Variants in RAPGEF5 observed in about 807,000 individuals in gnomAD.
RAPGEF5 encodes the protein M-Ras-regulated GEF.
In RAPGEF5, 65 loss-of-function variants were observed where a neutral mutation model predicts 125.2. That is an observed-to-expected ratio of 0.52 (90% confidence interval 0.43 to 0.64). The LOEUF is 0.64. Ranked by LOEUF, RAPGEF5 falls within the 30% of genes least tolerant of loss-of-function variation. RAPGEF5 has a pLI of 0.00. For synonymous variants in RAPGEF5, 391 were observed against 385.9 expected (o/e 1.01, Z -0.16); for missense variants, 958 against 1,048.1 (o/e 0.91, Z 1.19).
At position 22,136,945 on chromosome 7, in the gene RAPGEF5, A is replaced by C. The variant is rs1204328716; in HGVS notation, c.2316T>G (p.Leu772=). 6.3e-7 allele frequency: 1 copy of C among 1,585,836 alleles called. No individual in the cohort carries two copies. The highest frequency in any genetic ancestry group is 1.7e-4 in the Middle Eastern group (1 of 6,028). ...CTCAACTACTTACTGTTAAACTTTC[A>C]AGTTCAGAGAAAAGTTTCTTAAACT... ...PGKFKKLFSE[L]ESLTDPSLNH... is the part of the protein sequence containing the mutation. The change falls in exon 22 of 26, where the codon CTT becomes CTG. Residue 772 remains leucine, a synonymous_variant. Coordinates refer to ENST00000665637, the MANE Select transcript of RAPGEF5 (RefSeq NM_012294.5).
At chr7:22,356,751 C>T in intron 1 of RAPGEF5, 79 bp downstream of exon 1, 1 of 776,402 alleles carries the variant, frequency 1.3e-6, no homozygotes. Context: ...CCAGACGCCC[C>T]CCTCAGCGGC....
At chr7:22,254,437 C>T (rs577057527) in intron 7 of RAPGEF5, among the ~76,000 whole-genome samples, 23 of 151,320 alleles carry the variant, frequency 1.5e-4, no homozygotes, top group African/African-American at 5.3e-4. Context: ...GGAGAAACCC[C>T]GTCTCTACTG....
chr7:22,318,531 C>G (rs761518694), intron 1 of RAPGEF5, among the ~76,000 whole-genome samples: 6 of 152,160 alleles, frequency 3.9e-5, no homozygotes, highest in African/African-American at 7.2e-5. Flanking sequence ...TATTGCTTAT[C>G]CGAGTTAATC....
At chr7:22,342,519 T>G (rs756664498) in intron 1 of RAPGEF5, among the ~76,000 whole-genome samples, 4 of 152,270 alleles carry the variant, frequency 2.6e-5, no homozygotes, top group Non-Finnish European at 5.9e-5. Context: ...AAATGGGATA[T>G]TCTTTTCTAT....
chr7:22,287,574 C>G (rs1019033975), intron 6 of RAPGEF5, among the ~76,000 whole-genome samples: 1 of 152,254 alleles, frequency 6.6e-6, no homozygotes, highest in South Asian at 2.1e-4. Context: ...TCCAATACCC[C>G]CAAAAACACA....
intron 7 of RAPGEF5, among the ~76,000 whole-genome samples, chr7:22,238,410 G>A (rs577219313): frequency 6.6e-6 from 1 of 152,106 alleles, no homozygotes; most frequent in Non-Finnish European, 1.5e-5. Flanking sequence ...ACACACTAAG[G>A]AGAGAGGTAA....
intron 6 of RAPGEF5, among the ~76,000 whole-genome samples, chr7:22,279,678 G>C (rs1385867499): frequency 6.6e-6 from 1 of 152,196 alleles, no homozygotes; most frequent in Admixed American, 6.5e-5. Flanking sequence ...AATTATGAGG[G>C]AGACTTGAAG....
At chr7:22,194,571 C>G (rs996138533) in intron 9 of RAPGEF5, 1 of 983,448 alleles carries the variant, frequency 1.0e-6, no homozygotes, top group Non-Finnish European at 1.2e-6. Context: ...ACTACCCACT[C>G]CATCATTCAA....
chr7:22,212,770 C>T (rs1046471472), intron 9 of RAPGEF5, among the ~76,000 whole-genome samples: 2 of 152,152 alleles, frequency 1.3e-5, no homozygotes, highest in South Asian at 2.1e-4. Flanking sequence ...TACATTAATG[C>T]AGATCAGGCC....
chr7:22,178,756 A>C (rs1372438487), intron 11 of RAPGEF5, among the ~76,000 whole-genome samples: 1 of 152,080 alleles, frequency 6.6e-6, no homozygotes, highest in East Asian at 1.9e-4. Context: ...TTTTTATAGA[A>C]GCTTCATTAG....
intron 9 of RAPGEF5, among the ~76,000 whole-genome samples, chr7:22,207,535 TA>T (rs1457967245): frequency 6.6e-6 from 1 of 152,194 alleles, no homozygotes; most frequent in Non-Finnish European, 1.5e-5. Flanking sequence ...CTATTATTTC[TA>T]AATTCTCTAT....
chr7:22,148,113 C>A (rs1783503399), intron 18 of RAPGEF5, among the ~76,000 whole-genome samples: 1 of 152,100 alleles, frequency 6.6e-6, no homozygotes, highest in Non-Finnish European at 1.5e-5. Context: ...ACCAAACGAA[C>A]CAGCTAACAA....
intron 16 of RAPGEF5, among the ~76,000 whole-genome samples, 191 bp from the exon 17 acceptor site, chr7:22,154,795 TG>T (rs1783753280): frequency 6.6e-6 from 1 of 152,226 alleles, no homozygotes; most frequent in Non-Finnish European, 1.5e-5. Context: ...TATAAATGTG[TG>T]CTTGCAAACA....
chr7:22,266,647 C>G (rs899514191), intron 7 of RAPGEF5, among the ~76,000 whole-genome samples: 1 of 152,082 alleles, frequency 6.6e-6, no homozygotes, highest in African/African-American at 2.4e-5. Flanking sequence ...ACAAGGTGAT[C>G]GGCTTACTTT....
chr7:22,178,511 G>A (rs762740833), intron 11 of RAPGEF5, among the ~76,000 whole-genome samples: 5 of 152,126 alleles, frequency 3.3e-5, no homozygotes, highest in Non-Finnish European at 7.3e-5. Context: ...CACCCTCTGC[G>A]GTCTGACAAG....
intron 11 of RAPGEF5, among the ~76,000 whole-genome samples, chr7:22,173,133 G>T (rs757919841): frequency 2.6e-5 from 4 of 152,128 alleles, no homozygotes; most frequent in Admixed American, 6.5e-5. Flanking sequence ...GAACATGAAA[G>T]GGCCCATTTC....
chr7:22,148,063 T>A (rs972659701), intron 18 of RAPGEF5, among the ~76,000 whole-genome samples: 3 of 152,170 alleles, frequency 2.0e-5, no homozygotes, highest in African/African-American at 7.2e-5. Flanking sequence ...TGTCTCTGTA[T>A]CCCCAGTGTA....
At chr7:22,344,078 C>T (rs996762151) in intron 1 of RAPGEF5, among the ~76,000 whole-genome samples, 5 of 152,158 alleles carry the variant, frequency 3.3e-5, no homozygotes, top group Non-Finnish European at 5.9e-5. Flanking sequence ...TCCAGGGACC[C>T]CTCAGGACCC....
chr7:22,179,245 A>G (rs1010201792), intron 11 of RAPGEF5, among the ~76,000 whole-genome samples: 3 of 152,136 alleles, frequency 2.0e-5, no homozygotes, highest in Admixed American at 2.0e-4. Flanking sequence ...GCAATAATAT[A>G]TGGAATATTT....
Sources: gnomAD v4.1 joint callset for allele counts (sites outside exome capture counted in the v4.1 genomes callset) on GRCh38, gnomAD v4.1.1 for gene constraint, MANE v1.5 for transcripts, NCBI Gene and HGNC (gene_info 2026-07-23, HGNC 2026-07-21) for gene names.